The following NDST3 variants were observed in gnomAD, a reference collection of about 807,000 sequenced individuals.
NDST3 encodes the protein N-deacetylase and N-sulfotransferase 3, also known as bifunctional heparan sulfate N-deacetylase/N-sulfotransferase 3.
NDST3 carries 58 observed loss-of-function variants against 96.1 expected under a neutral mutation model. The observed-to-expected ratio is 0.60, with a 90% CI of 0.49 to 0.75. The LOEUF (loss-of-function observed/expected upper bound fraction) is 0.75. Ranked by LOEUF, NDST3 falls within the 30% of genes least tolerant of loss-of-function variation. The pLI is 0.00. For synonymous variants in NDST3, 333 were observed against 359.7 expected (o/e 0.93, Z 0.84); for missense variants, 788 against 1,034.2 (o/e 0.76, Z 3.27).
chr4:118,071,113 C>T (rs890997512), intron 2 of NDST3, among the ~76,000 whole-genome samples: 1 of 151,996 alleles, frequency 6.6e-6, no homozygotes, highest in African/African-American at 2.4e-5. Flanking sequence ...TTTTCTTAAT[C>T]CAGTCTATCA....
intron 6 of NDST3, among the ~76,000 whole-genome samples, chr4:118,158,420 T>C (rs995967673): frequency 1.3e-5 from 2 of 151,940 alleles, no homozygotes; most frequent in African/African-American, 4.8e-5. Context: ...AATTTTAGCA[T>C]GAAAAAAATG....
At chr4:118,086,414 A>AT (rs1000405975) in intron 2 of NDST3, among the ~76,000 whole-genome samples, 2 of 151,608 alleles carry the variant, frequency 1.3e-5, no homozygotes, top group Non-Finnish European at 2.9e-5. Context: ...AATTTAATCC[A>AT]TTTTTTTTCA....
chr4:118,076,439 C>T (rs10027013), intron 2 of NDST3, among the ~76,000 whole-genome samples: 114,454 of 152,000 alleles, frequency 0.75, 45,738 homozygotes, highest in South Asian at 0.92. Context: ...CAGCGAGTCA[C>T]AGATGTGGTC....
intron 12 of NDST3, among the ~76,000 whole-genome samples, chr4:118,243,618 A>G (rs1439984088): frequency 6.6e-6 from 1 of 152,224 alleles, no homozygotes; most frequent in Non-Finnish European, 1.5e-5. Context: ...TCTGTTCTGT[A>G]TCTTTTTAAG....
At chr4:118,108,620 A>G (rs1041840692) in intron 3 of NDST3, among the ~76,000 whole-genome samples, 1 of 152,180 alleles carries the variant, frequency 6.6e-6, no homozygotes, top group African/African-American at 2.4e-5. Context: ...ATAGAAGCAT[A>G]CTGTATTTCT....
At chr4:118,219,516 C>A (rs1448777767) in intron 6 of NDST3, among the ~76,000 whole-genome samples, 1 of 152,090 alleles carries the variant, frequency 6.6e-6, no homozygotes, top group Non-Finnish European at 1.5e-5. Flanking sequence ...GGACTCCTTC[C>A]TTATACCTTA....
At chr4:118,142,062 C>T (rs2125904187) in intron 5 of NDST3, among the ~76,000 whole-genome samples, 1 of 152,094 alleles carries the variant, frequency 6.6e-6, no homozygotes, top group South Asian at 2.1e-4. Context: ...CCAAATATTA[C>T]ATTTATAATA....
intron 8 of NDST3, among the ~76,000 whole-genome samples, chr4:118,228,925 A>G (rs1224012914): frequency 6.6e-6 from 1 of 152,258 alleles, no homozygotes; most frequent in Non-Finnish European, 1.5e-5. Context: ...ATTTTGTGAA[A>G]TTGATTTTTT....
Position 118,164,118 on chromosome 4 carries a change from A to G in NDST3, c.1539+20434A>G, listed in dbSNP as rs1041290222. Among the ~76,000 whole-genome samples the G allele has an allele frequency of 5.3e-5, 8 of 152,220 alleles. No individual in the cohort carries two copies. In the South Asian group the frequency reaches 1.4e-3, roughly 28 times the overall value. On this transcript the variant is annotated intron_variant, in intron 6 of 13. Coordinates refer to ENST00000296499, the MANE Select transcript of NDST3 (RefSeq NM_004784.3). Reference sequence around the variant, plus strand: ...AATGCCCATCAGTGGTAGGCTGGATAAAGAAAATGTGGTACATATACACCA... The same window carrying G: ...AATGCCCATCAGTGGTAGGCTGGATGAAGAAAATGTGGTACATATACACCA...
In NDST3 at chr4:118,183,948, G is replaced by T. The variant is rs147072503; in HGVS notation, c.1539+40264G>T. 4.6e-3 allele frequency among the ~76,000 whole-genome samples: 697 copies of T among 152,228 alleles called. 5 individuals are homozygous for T. The highest frequency in any genetic ancestry group is 0.044 in the Middle Eastern group (13 of 294). ...TGTAGCCTGCACAGATGTACCACGG[G>T]GCACTCACTCAAATGCAAAGTCCTA... On this transcript the variant is annotated intron_variant, in intron 6 of 13. Transcript: ENST00000296499.
chr4:118,237,835 G>A (rs549081476), intron 10 of NDST3, among the ~76,000 whole-genome samples: 19 of 152,208 alleles, frequency 1.2e-4, no homozygotes, highest in East Asian at 1.9e-4. Context: ...TAGGCTGGGC[G>A]TGGTGGCTCA....
chr4:118,216,534 G>C (rs1739203650), intron 6 of NDST3, among the ~76,000 whole-genome samples: 1 of 152,004 alleles, frequency 6.6e-6, no homozygotes, highest in Non-Finnish European at 1.5e-5. Context: ...GTAAATTAAA[G>C]TACTGAGAGT....
At chr4:118,047,165 C>T (rs980758342) in intron 1 of NDST3, among the ~76,000 whole-genome samples, 1 of 152,342 alleles carries the variant, frequency 6.6e-6, no homozygotes, top group South Asian at 2.1e-4. Context: ...CTACTATACA[C>T]CCCTGTGAAA....
At chr4:118,154,651 A>G (rs1734611116) in intron 6 of NDST3, among the ~76,000 whole-genome samples, 1 of 152,240 alleles carries the variant, frequency 6.6e-6, no homozygotes, top group Non-Finnish European at 1.5e-5. Flanking sequence ...GGAAAAGACC[A>G]GGAAGGTTAT....
intron 6 of NDST3, among the ~76,000 whole-genome samples, chr4:118,145,619 GACTA>G (rs1453036241): frequency 6.6e-6 from 1 of 152,036 alleles, no homozygotes; most frequent in South Asian, 2.1e-4. Context: ...ACACTAATTG[GACTA>G]ACTGAGCAAA....
chr4:118,078,438 C>G (rs938626133), intron 2 of NDST3, among the ~76,000 whole-genome samples: 1 of 152,072 alleles, frequency 6.6e-6, no homozygotes, highest in African/African-American at 2.4e-5. Flanking sequence ...TATAATATTC[C>G]TGCTGAAAAT....
intron 6 of NDST3, among the ~76,000 whole-genome samples, chr4:118,174,648 G>A (rs1053851778): frequency 3.9e-5 from 6 of 152,092 alleles, no homozygotes; most frequent in African/African-American, 1.4e-4. Context: ...TAATTTTTGT[G>A]TCTAAGTGCT....
chr4:118,160,832 G>C (rs6534089), intron 6 of NDST3, among the ~76,000 whole-genome samples: 7 of 151,248 alleles, frequency 4.6e-5, no homozygotes, highest in Non-Finnish European at 1.0e-4. Context: ...CCTGTAGCTC[G>C]GAGTAGTTTG....
Position 118,053,822 on chromosome 4 carries a change from C to T in NDST3, c.-89C>T. ...CTGCAATGGTGACATAAACTCTTGA[C>T]AGAGATTGGAAAAGTAGCTGGAACA... On this transcript the variant is annotated 5_prime_UTR_variant, in exon 2 of 14. Transcript: ENST00000296499. 2.8e-6 allele frequency: 4 copies of T among 1,413,614 alleles called. No individual in the cohort carries two copies. The highest frequency in any genetic ancestry group is 3.8e-6 in the Non-Finnish European group (4 of 1,051,052). The allele number at this position is 1,413,614 out of a possible 1,614,324, so 87.6% of individuals were successfully genotyped here.
Sources: gnomAD v4.1 joint callset for allele counts (sites outside exome capture counted in the v4.1 genomes callset) on GRCh38, gnomAD v4.1.1 for gene constraint, MANE v1.5 for transcripts, NCBI Gene and HGNC (gene_info 2026-07-23, HGNC 2026-07-21) for gene names.